ADAMTS17: variants seen among roughly 807,000 people sequenced by gnomAD.
ADAMTS17 encodes ADAM metallopeptidase with thrombospondin type 1 motif 17.
In ADAMTS17, 113 loss-of-function variants were observed where a neutral mutation model predicts 141.5. The ratio of observed to expected loss-of-function variants is 0.80; its 90% confidence interval spans 0.69 to 0.93. The LOEUF (loss-of-function observed/expected upper bound fraction) is 0.93. Ranked by LOEUF, ADAMTS17 falls within the 40% of genes least tolerant of loss-of-function variation. The pLI is 0.00. For missense variants in ADAMTS17, 1,659 were observed against 1,517.9 expected (o/e 1.09, Z -1.54); for synonymous variants, 768 against 630.6 (o/e 1.22, Z -3.27).
At position 99,974,291 on chromosome 15, in the gene ADAMTS17, G is replaced by T; in HGVS notation, c.*111C>A. ...CAAGTCCACGCTCATGTTCTATGTA[G>T]TTGGATTCTTGTGGCAGCCGGGTGG... On this transcript the variant is annotated 3_prime_UTR_variant, in exon 22 of 22. Coordinates refer to ENST00000268070, the MANE Select transcript of ADAMTS17 (RefSeq NM_139057.4). 1 of 1,417,896 alleles carries T rather than the reference G, an allele frequency of 7.1e-7. No homozygotes were observed. The highest frequency in any genetic ancestry group is 9.9e-7 in the Non-Finnish European group (1 of 1,011,738). 87.8% of individuals were successfully genotyped at this position (1,417,896 alleles called of 1,614,324 possible).
chr15:100,289,356 C>T (rs2044551531), intron 3 of ADAMTS17, among the ~76,000 whole-genome samples: 1 of 152,092 alleles, frequency 6.6e-6, no homozygotes, highest in Non-Finnish European at 1.5e-5. Context: ...AGCCTACCAA[C>T]CAGAAAAAGC....
At chr15:99,979,053 G>A (rs1236879604) in intron 20 of ADAMTS17, 1 of 152,234 alleles carries the variant, frequency 6.6e-6, no homozygotes, top group Non-Finnish European at 1.5e-5. Flanking sequence ...ATAGCCAGAT[G>A]ACAGGTGTGC....
intron 10 of ADAMTS17, among the ~76,000 whole-genome samples, chr15:100,149,649 C>T (rs538897234): frequency 6.6e-6 from 1 of 152,142 alleles, no homozygotes; most frequent in Non-Finnish European, 1.5e-5. Context: ...GAATTAGCTT[C>T]GACTGTGTGG....
At chr15:100,066,559 T>G (rs2033545016) in intron 15 of ADAMTS17, among the ~76,000 whole-genome samples, 1 of 149,788 alleles carries the variant, frequency 6.7e-6, no homozygotes, top group African/African-American at 2.5e-5. Context: ...GTAAACTCTC[T>G]GGCTTTATCT....
intron 18 of ADAMTS17, among the ~76,000 whole-genome samples, chr15:100,022,974 GCTT>G (rs915002454): frequency 2.8e-5 from 4 of 144,034 alleles, no homozygotes; most frequent in Non-Finnish European, 4.5e-5. Flanking sequence ...CCGGAGCACT[GCTT>G]CTTCTTGAAT....
chr15:100,105,383 A>G (rs1435113255), intron 14 of ADAMTS17, among the ~76,000 whole-genome samples: 1 of 152,164 alleles, frequency 6.6e-6, no homozygotes, highest in East Asian at 1.9e-4. Flanking sequence ...GCACCAACCA[A>G]TCCCTGCAAT....
intron 3 of ADAMTS17, among the ~76,000 whole-genome samples, chr15:100,296,956 A>G (rs548429064): frequency 6.6e-6 from 1 of 152,372 alleles, no homozygotes; most frequent in East Asian, 1.9e-4. Flanking sequence ...GAACAGAAGA[A>G]TTAAACATTC....
intron 15 of ADAMTS17, among the ~76,000 whole-genome samples, chr15:100,074,419 T>A (rs937552246): frequency 1.3e-5 from 2 of 152,162 alleles, no homozygotes; most frequent in African/African-American, 2.4e-5. Context: ...TATTCTCATA[T>A]GAAGAGTTTT....
intron 14 of ADAMTS17, among the ~76,000 whole-genome samples, chr15:100,106,592 C>T (rs1296222225): frequency 6.6e-6 from 1 of 152,216 alleles, no homozygotes; most frequent in Non-Finnish European, 1.5e-5. Flanking sequence ...ACACAGACCC[C>T]ACTGGCTAGA....
At chr15:100,076,885 CAT>C (rs1474863659) in intron 15 of ADAMTS17, among the ~76,000 whole-genome samples, 2 of 152,070 alleles carry the variant, frequency 1.3e-5, no homozygotes, top group Non-Finnish European at 2.9e-5. Flanking sequence ...TTTTTAAAAA[CAT>C]GTCTCAGAGA....
chr15:100,192,753 C>A (rs1261879232), intron 8 of ADAMTS17, among the ~76,000 whole-genome samples: 1 of 152,222 alleles, frequency 6.6e-6, no homozygotes, highest in Non-Finnish European at 1.5e-5. Flanking sequence ...CTTCACACAT[C>A]TGGATAATGG....
chr15:99,996,647 C>A (rs2060808307), intron 19 of ADAMTS17, among the ~76,000 whole-genome samples: 1 of 152,192 alleles, frequency 6.6e-6, no homozygotes, highest in African/African-American at 2.4e-5. Context: ...ATAATTCCAA[C>A]TGTTTGGCAA....
At chr15:99,995,372 C>T (rs2060779741) in intron 19 of ADAMTS17, among the ~76,000 whole-genome samples, 1 of 152,202 alleles carries the variant, frequency 6.6e-6, no homozygotes, top group Non-Finnish European at 1.5e-5. Context: ...CTCTGAATGT[C>T]CAGCCTATTT....
intron 2 of ADAMTS17, among the ~76,000 whole-genome samples, chr15:100,331,823 A>T (rs2046062616): frequency 1.3e-5 from 2 of 152,078 alleles, no homozygotes; most frequent in Admixed American, 1.3e-4. Flanking sequence ...CGTGTGCCCA[A>T]ATCACCTGGA....
intron 18 of ADAMTS17, among the ~76,000 whole-genome samples, chr15:100,010,754 G>C (rs916419035): frequency 7.2e-5 from 11 of 152,248 alleles, no homozygotes; most frequent in African/African-American, 2.7e-4. Context: ...CTGCAAAGGA[G>C]TGAGGTGAGG....
intron 3 of ADAMTS17, among the ~76,000 whole-genome samples, chr15:100,282,462 T>C (rs1256943357): frequency 1.3e-5 from 2 of 152,216 alleles, no homozygotes; most frequent in Non-Finnish European, 2.9e-5. Context: ...TATGCATACA[T>C]ACCTACGATG....
chr15:100,331,460 C>T (rs533485979), intron 2 of ADAMTS17, among the ~76,000 whole-genome samples: 1 of 152,256 alleles, frequency 6.6e-6, no homozygotes, highest in Non-Finnish European at 1.5e-5. Flanking sequence ...AAAAATGTAT[C>T]TTATCCCTGG....
chr15:100,222,378 G>A (rs553851931), intron 7 of ADAMTS17, among the ~76,000 whole-genome samples: 61 of 152,336 alleles, frequency 4.0e-4, no homozygotes, highest in South Asian at 8.3e-4. Context: ...GCCACAGCAC[G>A]TCTGAACAGA....
chr15:100,201,884 G>A (rs1018330111), intron 7 of ADAMTS17, among the ~76,000 whole-genome samples: 2 of 152,184 alleles, frequency 1.3e-5, no homozygotes, highest in African/African-American at 2.4e-5. Flanking sequence ...GTGAGTAGAT[G>A]GAATACTGCT....
Sources: allele counts gnomAD v4.1 joint callset (sites outside exome capture counted in the v4.1 genomes callset), GRCh38; gene constraint gnomAD v4.1.1; transcripts MANE v1.5; gene names NCBI Gene and HGNC (gene_info 2026-07-23, HGNC 2026-07-21).